Variants in TJP1 observed in about 807,000 individuals in gnomAD.
TJP1 encodes the protein tight junction protein 1.
TJP1 carries 43 observed loss-of-function variants against 194.2 expected under a neutral mutation model. That is an observed-to-expected ratio of 0.22 (90% confidence interval 0.17 to 0.29). TJP1 has a LOEUF of 0.29. Among genes scored for constraint, TJP1 ranks in the 10% least tolerant of loss-of-function variants. The pLI, the probability that TJP1 is intolerant of heterozygous loss-of-function variation, is 1.00. For synonymous variants in TJP1, 801 were observed against 779.0 expected, an observed-to-expected ratio of 1.03 and a Z score of -0.47; for missense variants, 1,971 against 2,185.7, an observed-to-expected ratio of 0.90 and a Z score of 1.96.
intron 5 of TJP1, among the ~76,000 whole-genome samples, chr15:29,765,015 G>C (rs934253125): frequency 1.3e-5 from 2 of 152,124 alleles, no homozygotes; most frequent in Admixed American, 1.3e-4. Flanking sequence ...CGTTATAAAG[G>C]GCAGGGTGAG....
chr15:29,934,577 A>G (rs892898920), intron 2 of TJP1, among the ~76,000 whole-genome samples: 16 of 152,216 alleles, frequency 1.1e-4, no homozygotes, highest in African/African-American at 3.9e-4. Flanking sequence ...ACACTAATGT[A>G]GACATCCTCT....
At chr15:29,750,658 T>A (rs1442336022) in intron 8 of TJP1, among the ~76,000 whole-genome samples, 1 of 152,184 alleles carries the variant, frequency 6.6e-6, no homozygotes, top group African/African-American at 2.4e-5. Flanking sequence ...TGATGTGCCT[T>A]ATTTTAAAAA....
intron 2 of TJP1, among the ~76,000 whole-genome samples, chr15:29,923,761 A>C (rs939976): frequency 6.6e-6 from 1 of 152,100 alleles, no homozygotes; most frequent in Non-Finnish European, 1.5e-5. Context: ...TGTGAATATA[A>C]TACAAGCCAC....
intron 2 of TJP1, among the ~76,000 whole-genome samples, chr15:29,843,294 T>C (rs1438091782): frequency 6.6e-6 from 1 of 152,006 alleles, no homozygotes; most frequent in East Asian, 1.9e-4. Flanking sequence ...GTTCAAGCGA[T>C]TTTCCTGACT....
chr15:29,765,333 C>T (rs983209816), intron 5 of TJP1, among the ~76,000 whole-genome samples: 5 of 152,080 alleles, frequency 3.3e-5, no homozygotes, highest in African/African-American at 1.2e-4. Context: ...GGAGATATGC[C>T]AAGTGGTAAA....
At chr15:29,762,270 C>G in intron 6 of TJP1, 65 bp downstream of exon 6, 1 of 1,368,602 alleles carries the variant, frequency 7.3e-7, no homozygotes, top group Non-Finnish European at 1.0e-6. Flanking sequence ...AGAGCACAGA[C>G]TACATGGTAA....
intron 2 of TJP1, among the ~76,000 whole-genome samples, chr15:29,861,066 C>G (rs578203311): frequency 1.2e-3 from 188 of 152,282 alleles, no homozygotes; most frequent in Non-Finnish European, 1.9e-3. Context: ...CCTGCAATAT[C>G]TCAGGTATGC....
chr15:29,866,162 C>A (rs189085160), intron 2 of TJP1, among the ~76,000 whole-genome samples: 4 of 152,290 alleles, frequency 2.6e-5, no homozygotes, highest in Non-Finnish European at 5.9e-5. Flanking sequence ...CATATTAATT[C>A]TCTGTTAAAT....
chr15:29,825,716 T>C (rs1426764098), upstream of TJP1, among the ~76,000 whole-genome samples: 2 of 152,226 alleles, frequency 1.3e-5, no homozygotes, highest in African/African-American at 4.8e-5. Context: ...AGTGAAGCAT[T>C]AGACAATCTC....
intron 2 of TJP1, among the ~76,000 whole-genome samples, chr15:29,828,406 T>A (rs149987333): frequency 1.2e-3 from 176 of 151,864 alleles, no homozygotes; most frequent in Admixed American, 2.0e-3. Flanking sequence ...AACAAAAAAA[T>A]ATATATATAT....
chr15:29,779,954 CA>C (rs2047254161), intron 2 of TJP1, among the ~76,000 whole-genome samples: 1 of 149,424 alleles, frequency 6.7e-6, no homozygotes, highest in Non-Finnish European at 1.5e-5. Context: ...AACAAACAAA[CA>C]AACAAACAAA....
At chr15:29,809,886 G>T (rs1357566776) in intron 1 of TJP1, among the ~76,000 whole-genome samples, 10 of 151,850 alleles carry the variant, frequency 6.6e-5, no homozygotes, top group Non-Finnish European at 2.9e-5. Flanking sequence ...TTGATTTGGA[G>T]TTTATTTTAA....
At chr15:29,931,661 G>C (rs1054267239) in intron 2 of TJP1, among the ~76,000 whole-genome samples, 1 of 152,142 alleles carries the variant, frequency 6.6e-6, no homozygotes, top group African/African-American at 2.4e-5. Context: ...GCCTAAGGTG[G>C]GAAAGTACTT....
intron 2 of TJP1, among the ~76,000 whole-genome samples, chr15:29,952,431 G>A (rs893580132): frequency 7.2e-5 from 11 of 152,176 alleles, no homozygotes; most frequent in African/African-American, 2.6e-4. Context: ...CACAGAGAAA[G>A]CTGAAACAAT....
intron 2 of TJP1, among the ~76,000 whole-genome samples, chr15:29,780,773 T>C (rs990504652): frequency 6.6e-6 from 1 of 152,100 alleles, no homozygotes; most frequent in East Asian, 1.9e-4. Flanking sequence ...AGACCAAATC[T>C]GAAATTTTAA....
chr15:29,821,480 G>A (rs1265945288), intron 1 of TJP1: 1 of 152,236 alleles, frequency 6.6e-6, no homozygotes, highest in African/African-American at 2.4e-5. Context: ...TGAGTGGAGT[G>A]TTTTGCAGTC....
At chr15:29,958,287 TTTAG>T (rs1239087676) in intron 1 of TJP1, among the ~76,000 whole-genome samples, 1 of 145,328 alleles carries the variant, frequency 6.9e-6, no homozygotes, top group Non-Finnish European at 1.5e-5. Flanking sequence ...TCTCTCTCTT[TTTAG>T]TTTTTTTTTT....
chr15:29,883,004 A>G (rs1042794329), intron 2 of TJP1, among the ~76,000 whole-genome samples: 1 of 152,188 alleles, frequency 6.6e-6, no homozygotes, highest in Non-Finnish European at 1.5e-5. Flanking sequence ...TTCTTTTAAA[A>G]AGGTTGTTTG....
Position 29,784,132 on chromosome 15 carries a change from C to CA in TJP1, c.85-10776dup, listed in dbSNP as rs35728252. On this transcript the variant is annotated intron_variant, in intron 2 of 27. Coordinates refer to ENST00000614355, the MANE Select transcript of TJP1 (RefSeq NM_001330239.4). ...GGAAGAGAAAAATTAGTTTAAAAAA[C>CA]AAAAAAAACTTCGCTGATACTATTT... Among the ~76,000 whole-genome samples the CA allele has an allele frequency of 2.2e-3, 338 of 151,286 alleles. 1 individual carries two copies. Among genetic ancestry groups the CA allele is most frequent in the African/African-American group, 7.4e-3 (307 of 41,304 alleles).
Sources: allele counts gnomAD v4.1 joint callset (sites outside exome capture counted in the v4.1 genomes callset), GRCh38; gene constraint gnomAD v4.1.1; transcripts MANE v1.5; gene names NCBI Gene and HGNC (gene_info 2026-07-23, HGNC 2026-07-21).